Variants in RYR1 observed in about 807,000 individuals in gnomAD.
RYR1 encodes the protein ryanodine receptor 1.
RYR1 carries 342 observed loss-of-function variants against 583.5 expected under a neutral mutation model. That is an observed-to-expected ratio of 0.59 (90% CI 0.54 to 0.64). The LOEUF is 0.64. Among genes scored for constraint, RYR1 ranks in the 30% least tolerant of loss-of-function variants. The pLI is 0.00. For missense variants in RYR1, 6,032 were observed against 6,917.2 expected, an observed-to-expected ratio of 0.87 and a Z score of 4.54; for synonymous variants, 2,791 against 2,822.5, an observed-to-expected ratio of 0.99 and a Z score of 0.35.
chr19:38,516,028 G>A lies in RYR1; in HGVS notation c.9555-59G>A, dbSNP rs2145676713. 3 of 1,528,462 alleles carry A rather than the reference G, an allele frequency of 2.0e-6. No homozygotes were observed. In the South Asian group the frequency reaches 3.6e-5, roughly 19 times the overall value. The allele number at this position is 1,528,462 out of a possible 1,614,324, so 94.7% of individuals were successfully genotyped here. A position where few individuals can be genotyped will look rare whatever the true frequency, so the allele number is the denominator to read the frequency against. ...GAGCCGTTTCTATGGAGATGGGGCT[G>A]GGACCCAGGACCCCAAAGAGGGGGA... On this transcript the variant is annotated intron_variant, in intron 64 of 105. Coordinates refer to ENST00000359596, the MANE Select transcript of RYR1 (RefSeq NM_000540.3).
intron 27 of RYR1, 75 bp downstream of exon 27, chr19:38,469,588 T>G: frequency 2.8e-6 from 4 of 1,442,222 alleles, no homozygotes; most frequent in Non-Finnish European, 3.9e-6. Context: ...TTCTTTGAGT[T>G]TCTCTTTTCC....
chr19:38,510,804 C>T, intron 60 of RYR1, 23 bp downstream of exon 60: 1 of 1,613,944 alleles, frequency 6.2e-7, no homozygotes, highest in Non-Finnish European at 8.5e-7. Context: ...TGACCCTGGA[C>T]CCAGCCCCCT....
In RYR1 at chr19:38,516,186, G is replaced by A. The variant is rs762317991; in HGVS notation, c.9654G>A (p.Val3218=). ...PQLNEYNACS[V]YTTKSPRERA... ...TGAACGAGTACAACGCCTGCTCCGTGTACACCACCAAGTCTCCGCGGGAGC... is the reference window on the plus strand; with the variant it reads ...TGAACGAGTACAACGCCTGCTCCGTATACACCACCAAGTCTCCGCGGGAGC... The change falls in exon 65 of 106, where the codon GTG becomes GTA. Residue 3218 remains valine (V), a synonymous_variant. Coordinates refer to ENST00000359596, the MANE Select transcript of RYR1 (RefSeq NM_000540.3). The A allele has an allele frequency of 1.3e-6, 2 of 1,575,444 alleles. No homozygotes were observed. The highest frequency in any genetic ancestry group is 4.6e-5 in the East Asian group (2 of 43,016).
rs1973744435 is a variant in RYR1, at chr19:38,572,156, G to A, written c.13884G>A (p.Met4628Ile). The A allele has an allele frequency of 6.2e-7, 1 of 1,614,154 alleles. No homozygotes were observed. The highest frequency in any genetic ancestry group is 1.3e-5 in the African/African-American group (1 of 75,024). ...CAGAGGGCGATGAGGATGAGAACAT[G>A]GTGTACTACTTCCTGGAGGAAAGCA... ...EEAEGDEDEN[M>I]VYYFLEESTG... Residue 4628 changes from methionine (M) to isoleucine (I), a missense_variant, in exon 95 of 106, where the codon ATG (methionine) becomes ATA (isoleucine). Transcript: ENST00000359596.
At chr19:38,460,228 G>C in intron 19 of RYR1, 147 bp from the exon 20 acceptor site, 1 of 733,442 alleles carries the variant, frequency 1.4e-6, no homozygotes, top group Non-Finnish European at 2.5e-6. Context: ...ACTTCTAAAT[G>C]ACCTCCAGGA....
chr19:38,587,497 C>G lies in RYR1; in HGVS notation c.*77C>G. On this transcript the variant is annotated 3_prime_UTR_variant, in exon 106 of 106. Coordinates refer to ENST00000359596, the MANE Select transcript of RYR1 (RefSeq NM_000540.3). ...CAAGCCCCTTAGTCCCCAAGCCCCT[C>G]CCCCTAAGGCAGCTGGGGGAGAGGT... The G allele has an allele frequency of 9.7e-7, 1 of 1,027,160 alleles. No homozygotes were observed. Among genetic ancestry groups the G allele is most frequent in the Admixed American group, 1.8e-5 (1 of 55,402 alleles). 63.6% of individuals were successfully genotyped at this position (1,027,160 alleles called of 1,614,324 possible).
intron 96 of RYR1, among the ~76,000 whole-genome samples, chr19:38,574,209 G>A (rs1001695313): frequency 6.9e-6 from 1 of 145,866 alleles, no homozygotes; most frequent in African/African-American, 2.6e-5. Context: ...GCAGTGAGCC[G>A]AGATTGTGCC....
At chr19:38,566,504 A>AT (rs1317598042) in intron 91 of RYR1, among the ~76,000 whole-genome samples, 1 of 151,624 alleles carries the variant, frequency 6.6e-6, no homozygotes, top group Non-Finnish European at 1.5e-5. Flanking sequence ...GACTAAAAAA[A>AT]GTCCCGAGAC....
intron 56 of RYR1, 93 bp downstream of exon 56, chr19:38,506,639 A>G: frequency 6.6e-7 from 1 of 1,521,516 alleles, no homozygotes; most frequent in Non-Finnish European, 9.0e-7. Flanking sequence ...CGGTTTCTCC[A>G]TCTGTAGATG....
At position 38,444,219 on chromosome 19, in the gene RYR1, G is replaced by A. The variant is rs775532977; in HGVS notation, c.495G>A (p.Gly165=). 11 of 1,613,952 alleles carry A rather than the reference G, an allele frequency of 6.8e-6. No individual in the cohort carries two copies. The highest frequency in any genetic ancestry group is 8.5e-6 in the Non-Finnish European group (10 of 1,179,994). The change falls in exon 6 of 106, where the codon GGG becomes GGA. Residue 165 remains glycine, a synonymous_variant. Transcript: ENST00000359596. This position sits in a 1 kb window ranked among gnomAD's most constrained non-coding sequence, Gnocchi z 5.1. ...QRSEGEKVRV[G]DDIILVSVSS... is the part of the protein sequence containing the mutation. ...CTGAAGGAGAAAAGGTCCGCGTTGG[G>A]GATGACATCATCCTTGTCAGTGTCT...
At chr19:38,510,929 C>T in intron 60 of RYR1, 148 bp downstream of exon 60, 16 of 1,229,534 alleles carry the variant, frequency 1.3e-5, no homozygotes, top group Non-Finnish European at 1.5e-5. Context: ...TCCTAGTGTA[C>T]CCGGGACTGA....
intron 20 of RYR1, 95 bp from the exon 21 acceptor site, chr19:38,463,328 G>C (rs1489980951): frequency 1.9e-6 from 2 of 1,028,662 alleles, no homozygotes; most frequent in Non-Finnish European, 3.0e-6. Flanking sequence ...TGCTGGAGGA[G>C]CCTCCCAGGG....
At chr19:38,573,440 G>A in intron 96 of RYR1, 133 bp downstream of exon 96, 3 of 1,165,120 alleles carry the variant, frequency 2.6e-6, no homozygotes, top group Non-Finnish European at 2.3e-6. Context: ...CCGGCACTTT[G>A]GGAGGCTAAG....
chr19:38,483,627 C>A lies in RYR1; in HGVS notation c.4934+111C>A. 2 of 914,550 alleles carry A rather than the reference C, an allele frequency of 2.2e-6. No homozygotes were observed. Among genetic ancestry groups the A allele is most frequent in the Non-Finnish European group, 3.4e-6 (2 of 593,218 alleles). 56.7% of individuals were successfully genotyped at this position (914,550 alleles called of 1,614,324 possible). ...CAACCCCGGGATTCCAGACTACACC[C>A]CAGGAATCTCCAGACCTACCTCAGG... On this transcript the variant is annotated intron_variant, in intron 33 of 105. Coordinates refer to ENST00000359596, the MANE Select transcript of RYR1 (RefSeq NM_000540.3). The surrounding 1 kb of genome is among the most constrained non-coding windows in gnomAD (Gnocchi z 6.3).
rs745445082 is a variant in RYR1, at chr19:38,511,555, C to G, written c.9123-6C>G. ...TCCTGCCTTCTGTCCCTTTCTCTTT[C>G]TTCAGCCTCTTCTGCAAACTTGCTG... On this transcript the variant is annotated splice_polypyrimidine_tract_variant and splice_region_variant and intron_variant, in intron 60 of 105. Transcript: ENST00000359596. The G allele has an allele frequency of 6.2e-7, 1 of 1,613,826 alleles. No homozygotes were observed. The highest frequency in any genetic ancestry group is 1.7e-5 in the Admixed American group (1 of 60,010).
chr19:38,468,785 A>G (rs1207632523), intron 25 of RYR1, among the ~76,000 whole-genome samples, 181 bp from the exon 26 acceptor site: 1 of 152,148 alleles, frequency 6.6e-6, no homozygotes, highest in African/African-American at 2.4e-5. Context: ...AATTCCTGTG[A>G]TCATGGATGC....
Position 38,444,497 on chromosome 19 carries a change from A to G in RYR1, c.538-87A>G, listed in dbSNP as rs1972842640. On this transcript the variant is annotated intron_variant, in intron 6 of 105. Coordinates refer to ENST00000359596, the MANE Select transcript of RYR1 (RefSeq NM_000540.3). This position sits in a 1 kb window ranked among gnomAD's most constrained non-coding sequence, Gnocchi z 5.1. ...GTCTCCCATCTGCCGGTTTCCGGGT[A>G]TCCACCCTTGATTTCTGGCCTCTGA... The G allele has an allele frequency of 8.5e-7, 1 of 1,170,138 alleles. No homozygotes were observed. Among genetic ancestry groups the G allele is most frequent in the Non-Finnish European group, 1.3e-6 (1 of 796,486 alleles). 72.5% of individuals were successfully genotyped at this position (1,170,138 alleles called of 1,614,324 possible). A position where few individuals can be genotyped will look rare whatever the true frequency, so the allele number is the denominator to read the frequency against.
At position 38,440,773 on chromosome 19, in the gene RYR1, C is replaced by T; in HGVS notation, c.74C>T (p.Ala25Val). Residue 25 changes from alanine to valine, a missense_variant, in exon 2 of 106, where the codon GCT (alanine) becomes GTT (valine). Physicochemically the swap from Ala to Val is moderately conservative, Grantham distance 64 (BLOSUM62 0). Around this residue, in one of 11 missense-constraint regions of RYR1, gnomAD observed 71 missense variants for 75.3 expected, o/e 0.94. Coordinates refer to ENST00000359596, the MANE Select transcript of RYR1 (RefSeq NM_000540.3). ...TDDEVVLQCSATVLKEQLKLC... is the reference protein window; with the variant it reads ...TDDEVVLQCSVTVLKEQLKLC... Reference sequence around the variant, plus strand: ...GATGAGGTGGTCCTGCAGTGCAGCGCTACCGTGCTCAAGGAGCAGCTCAAG... The same window carrying T: ...GATGAGGTGGTCCTGCAGTGCAGCGTTACCGTGCTCAAGGAGCAGCTCAAG... 1 of 1,609,002 alleles carries T rather than the reference C, an allele frequency of 6.2e-7. No homozygotes were observed. The highest frequency in any genetic ancestry group is 8.5e-7 in the Non-Finnish European group (1 of 1,178,798).
intron 22 of RYR1, among the ~76,000 whole-genome samples, chr19:38,464,278 G>GAAAAAAAAAAAAAA (rs547288253): frequency 1.6e-5 from 1 of 64,242 alleles, no homozygotes; most frequent in Non-Finnish European, 2.7e-5. Context: ...CACCGTTTCA[G>GAAAAAAAAAAAAAA]AAAAAAAAAA....
Sources: gnomAD v4.1 joint callset for allele counts (sites outside exome capture counted in the v4.1 genomes callset) on GRCh38, gnomAD v4.1.1 for gene constraint, gnomAD v4.1.1 regional missense constraint, Gnocchi (gnomAD v3.1) non-coding constraint, MANE v1.5 for transcripts, NCBI Gene and HGNC (gene_info 2026-07-23, HGNC 2026-07-21) for gene names.